Variants in SYN3 observed in about 807,000 individuals in gnomAD.
The protein encoded by SYN3 is synapsin-3.
A neutral mutation model predicts 65.8 loss-of-function variants in SYN3; 35 were observed. The ratio of observed to expected loss-of-function variants is 0.53; its 90% CI spans 0.41 to 0.70. SYN3 has a LOEUF of 0.70. Ranked by LOEUF, SYN3 falls within the 30% of genes least tolerant of loss-of-function variation. The pLI is 0.00. For synonymous variants in SYN3, 270 were observed against 292.9 expected, an observed-to-expected ratio of 0.92 and a Z score of 0.80; for missense variants, 680 against 749.0, an observed-to-expected ratio of 0.91 and a Z score of 1.08.
At chr22:32,931,576 C>A (rs1479569969) in intron 3 of SYN3, 95 bp from the exon 4 acceptor site, 4 of 782,498 alleles carry the variant, frequency 5.1e-6, no homozygotes, top group Non-Finnish European at 8.9e-6. Flanking sequence ...ACAAAGTACA[C>A]CTTTAAAGCT....
At chr22:32,988,346 TAA>T (rs1230554196) in intron 2 of SYN3, among the ~76,000 whole-genome samples, 7 of 136,068 alleles carry the variant, frequency 5.1e-5, no homozygotes, top group African/African-American at 2.0e-4. Flanking sequence ...ATAATAATAA[TAA>T]AATAAATAGA....
intron 6 of SYN3, among the ~76,000 whole-genome samples, chr22:32,708,448 C>T (rs1370385641): frequency 6.6e-6 from 1 of 152,218 alleles, no homozygotes; most frequent in African/African-American, 2.4e-5. Flanking sequence ...GTGTACTTCT[C>T]TGCTGGTTTA....
In SYN3 at chr22:32,509,571, T is replaced by C. The variant is rs2057668531; in HGVS notation, c.*4121A>G. On this transcript the variant is annotated 3_prime_UTR_variant, in exon 14 of 14. Transcript: ENST00000358763. ...ACCAATGGGGAAAGTATTATTATTA[T>C]TATTATTATTATTTTGAGACAGAGT... Among the ~76,000 whole-genome samples the C allele has an allele frequency of 6.6e-6, 1 of 151,834 alleles. No homozygotes were observed.
Position 32,530,921 on chromosome 22 carries a change from G to A in SYN3, c.1096-1913C>T, listed in dbSNP as rs545602593. The stretch of plus-strand genomic sequence containing the variant: ...CTCGGGAGGCTGAGGCAGGAGAATC[G>A]CTTGAACCTGGGAGTGTCGGAGGTT... On this transcript the variant is annotated intron_variant, in intron 10 of 13. Coordinates refer to ENST00000358763, the MANE Select transcript of SYN3 (RefSeq NM_003490.4). Among the ~76,000 whole-genome samples the A allele has an allele frequency of 4.0e-5, 6 of 151,872 alleles. No homozygotes were observed. The East Asian group carries it at 1.2e-3, about 30-fold the overall frequency.
chr22:32,856,564 A>G (rs566826509), intron 6 of SYN3, among the ~76,000 whole-genome samples: 2 of 152,182 alleles, frequency 1.3e-5, no homozygotes, highest in Non-Finnish European at 2.9e-5. Context: ...ATATTTTGAG[A>G]GTCCATGTGG....
intron 6 of SYN3, among the ~76,000 whole-genome samples, chr22:32,638,257 A>G (rs975987315): frequency 6.6e-6 from 1 of 152,152 alleles, no homozygotes; most frequent in African/African-American, 2.4e-5. Flanking sequence ...TGTTACTGTG[A>G]ATAGTGCTGC....
At chr22:32,948,337 C>G (rs1019274525) in intron 3 of SYN3, among the ~76,000 whole-genome samples, 1 of 152,098 alleles carries the variant, frequency 6.6e-6, no homozygotes, top group Non-Finnish European at 1.5e-5. Context: ...CTAAGGGTTG[C>G]AGAGGAGGGG....
intron 10 of SYN3, chr22:32,530,145 C>T (rs130458): frequency 0.62 from 94,552 of 152,128 alleles, 29,798 homozygotes; most frequent in East Asian, 0.81. Flanking sequence ...GAATGGGCCC[C>T]GTGTCCTGCT....
At chr22:32,641,275 C>T (rs971147706) in intron 6 of SYN3, among the ~76,000 whole-genome samples, 3 of 152,252 alleles carry the variant, frequency 2.0e-5, no homozygotes, top group African/African-American at 4.8e-5. Context: ...CTCTGCAACT[C>T]GTACGTGCTT....
At chr22:32,773,691 G>A (rs1406197200) in intron 6 of SYN3, among the ~76,000 whole-genome samples, 2 of 152,158 alleles carry the variant, frequency 1.3e-5, no homozygotes, top group Non-Finnish European at 2.9e-5. Flanking sequence ...TTGTATGCTG[G>A]GCTCTGGGCT....
At chr22:33,018,721 ACATGTCTGCTTGGGTGACT>A (rs1347338358) in intron 1 of SYN3, among the ~76,000 whole-genome samples, 23 of 152,294 alleles carry the variant, frequency 1.5e-4, no homozygotes, top group African/African-American at 4.1e-4. Flanking sequence ...AGGAGAGTGG[ACATGTCTGCTTGGGTGACT>A]CATTGACACC....
At chr22:32,729,697 G>C (rs900142707) in intron 6 of SYN3, among the ~76,000 whole-genome samples, 4 of 152,180 alleles carry the variant, frequency 2.6e-5, no homozygotes, top group African/African-American at 9.7e-5. Context: ...GGAGAGAAAA[G>C]GTTGAATTTA....
intron 6 of SYN3, among the ~76,000 whole-genome samples, chr22:32,599,525 G>A (rs1266951906): frequency 2.6e-5 from 4 of 151,962 alleles, no homozygotes; most frequent in African/African-American, 9.7e-5. Context: ...GTTTCACTGT[G>A]TTAGCCAGGA....
At chr22:32,656,726 T>C (rs1377446039) in intron 6 of SYN3, among the ~76,000 whole-genome samples, 5 of 152,156 alleles carry the variant, frequency 3.3e-5, no homozygotes, top group African/African-American at 1.2e-4. Context: ...TTTTTGTTTG[T>C]TTTTTCTTTT....
intron 3 of SYN3, among the ~76,000 whole-genome samples, chr22:32,941,524 A>C (rs2050937680): frequency 6.6e-6 from 1 of 150,798 alleles, no homozygotes. Flanking sequence ...AGCATGAACA[A>C]CGCAGAAGAT....
At chr22:33,032,437 G>T in intron 1 of SYN3, among the ~76,000 whole-genome samples, 1 of 151,116 alleles carries the variant, frequency 6.6e-6, no homozygotes, top group Admixed American at 6.6e-5. Context: ...CCTGAGAGAC[G>T]AAGGTTGCAA....
At chr22:32,589,585 T>C (rs1412129679) in intron 7 of SYN3, among the ~76,000 whole-genome samples, 1 of 152,202 alleles carries the variant, frequency 6.6e-6, no homozygotes, top group African/African-American at 2.4e-5. Context: ...AACTGTCCAG[T>C]GATGAGAACC....
At chr22:32,588,232 C>T (rs928525560) in intron 7 of SYN3, among the ~76,000 whole-genome samples, 1 of 152,148 alleles carries the variant, frequency 6.6e-6, no homozygotes, top group Non-Finnish European at 1.5e-5. Flanking sequence ...GGAGATGCTC[C>T]CTTGCTGTGT....
rs940595602 is a variant in SYN3, at chr22:32,657,765, C to T, written c.712-61029G>A. Among the ~76,000 whole-genome samples, 1,263 of 152,336 alleles carry T rather than the reference C, an allele frequency of 8.3e-3. 17 individuals are homozygous for T. The highest frequency in any genetic ancestry group is 0.029 in the African/African-American group (1,217 of 41,566). ...GCTTGGGACAGGATCAGGCCAGCCCCTCCTCAATGCATGCCAGCCAGGCAC... is the reference window on the plus strand; with the variant it reads ...GCTTGGGACAGGATCAGGCCAGCCCTTCCTCAATGCATGCCAGCCAGGCAC... On this transcript the variant is annotated intron_variant, in intron 6 of 13. Coordinates refer to ENST00000358763, the MANE Select transcript of SYN3 (RefSeq NM_003490.4).
Sources: gnomAD v4.1 joint callset for allele counts (sites outside exome capture counted in the v4.1 genomes callset) on GRCh38, gnomAD v4.1.1 for gene constraint, MANE v1.5 for transcripts, NCBI Gene and HGNC (gene_info 2026-07-23, HGNC 2026-07-21) for gene names.